IPO8: variants seen among roughly 807,000 people sequenced by gnomAD.
The protein encoded by IPO8 is importin 8.
In IPO8, 65 loss-of-function variants were observed where a neutral mutation model predicts 141.2. The ratio of observed to expected loss-of-function variants is 0.46; its 90% CI spans 0.38 to 0.57. IPO8 has a LOEUF of 0.57. Ranked by LOEUF, IPO8 falls within the 20% of genes least tolerant of loss-of-function variation. The pLI is 0.00. For synonymous variants in IPO8, 411 were observed against 420.3 expected (o/e 0.98, Z 0.27); for missense variants, 980 against 1,246.8 (o/e 0.79, Z 3.22).
rs143970022 is a variant in IPO8, at chr12:30,642,190, G to A, written c.2269-2455C>T. Reference sequence around the variant, plus strand: ...CCACTCCAGCCTGGGGTACAAGAGCGAGACTTCATCTCAAAAAAACAGAAA... The same window carrying A: ...CCACTCCAGCCTGGGGTACAAGAGCAAGACTTCATCTCAAAAAAACAGAAA... On this transcript the variant is annotated intron_variant, in intron 20 of 24. Coordinates refer to ENST00000256079, the MANE Select transcript of IPO8 (RefSeq NM_006390.4). 9.5e-3 allele frequency among the ~76,000 whole-genome samples: 1,448 copies of A among 152,050 alleles called. 17 individuals are homozygous for A. Among genetic ancestry groups the A allele is most frequent in the African/African-American group, 0.033 (1,376 of 41,438 alleles).
At chr12:30,663,390 T>G in intron 14 of IPO8, 99 bp downstream of exon 14, 1 of 1,043,738 alleles carries the variant, frequency 9.6e-7, no homozygotes, top group Non-Finnish European at 1.4e-6. Context: ...ACCTCAGAAT[T>G]CCAAACCCTG....
intron 15 of IPO8, 135 bp from the exon 16 acceptor site, chr12:30,661,401 T>TTC: frequency 1.7e-6 from 1 of 605,146 alleles, no homozygotes; most frequent in Non-Finnish European, 2.6e-6. Context: ...CTTTGCTGAC[T>TTC]GAATCATCTC....
At chr12:30,677,714 GA>G (rs1219105670) in intron 5 of IPO8, among the ~76,000 whole-genome samples, 2 of 150,542 alleles carry the variant, frequency 1.3e-5, no homozygotes, top group African/African-American at 2.4e-5. Flanking sequence ...GAAAAAGTTT[GA>G]AAAAAAATAA....
chr12:30,665,699 T>C, intron 12 of IPO8, 30 bp downstream of exon 12: 3 of 1,346,888 alleles, frequency 2.2e-6, no homozygotes, highest in African/African-American at 1.4e-5. Context: ...TACAATGTTA[T>C]TAAGTAAATT....
intron 20 of IPO8, among the ~76,000 whole-genome samples, chr12:30,646,469 A>G (rs919117366): frequency 6.6e-6 from 1 of 152,232 alleles, no homozygotes; most frequent in Non-Finnish European, 1.5e-5. Flanking sequence ...CATCATAGCT[A>G]TTCAACATTG....
intron 23 of IPO8, 63 bp from the exon 24 acceptor site, chr12:30,632,074 G>T: frequency 9.5e-7 from 1 of 1,057,516 alleles, no homozygotes; most frequent in Non-Finnish European, 1.4e-6. Context: ...AGAACAAGTA[G>T]TAACATGATC....
At chr12:30,672,148 T>C (rs3782685) in intron 8 of IPO8, among the ~76,000 whole-genome samples, 98,550 of 152,040 alleles carry the variant, frequency 0.65, 33,339 homozygotes, top group African/African-American at 0.84. Flanking sequence ...TTCACTACAG[T>C]AAGTTGCCTT....
chr12:30,679,733 A>G (rs2053165000), intron 5 of IPO8, among the ~76,000 whole-genome samples: 1 of 152,208 alleles, frequency 6.6e-6, no homozygotes, highest in South Asian at 2.1e-4. Context: ...GATCCAAACT[A>G]TCATGGTTTT....
chr12:30,673,876 A>G (rs1216656263), intron 8 of IPO8, 114 bp downstream of exon 8: 10 of 585,310 alleles, frequency 1.7e-5, no homozygotes, highest in Non-Finnish European at 2.7e-5. Context: ...CTGTCCTTCC[A>G]TCCTCTATAA....
At position 30,665,464 on chromosome 12, in the gene IPO8, T is replaced by G. The variant is rs539181144; in HGVS notation, c.1339-155A>C. ...TGCATGTTTTAAAACAAGACAAATA[T>G]TACCTTATATCAGTTTGATATTGAT... On this transcript the variant is annotated intron_variant, in intron 12 of 24. Coordinates refer to ENST00000256079, the MANE Select transcript of IPO8 (RefSeq NM_006390.4). Among the ~76,000 whole-genome samples the G allele has an allele frequency of 1.4e-4, 21 of 152,344 alleles. 2 individuals are homozygous for G. In the South Asian group the frequency reaches 4.3e-3, roughly 32 times the overall value.
At chr12:30,678,983 G>A (rs944690625) in intron 5 of IPO8, among the ~76,000 whole-genome samples, 1 of 152,060 alleles carries the variant, frequency 6.6e-6, no homozygotes, top group Admixed American at 6.5e-5. Context: ...GGAATTAGAG[G>A]CACCCGCCAT....
intron 17 of IPO8, among the ~76,000 whole-genome samples, chr12:30,656,432 G>A (rs1007472226): frequency 6.6e-6 from 1 of 152,052 alleles, no homozygotes; most frequent in African/African-American, 2.4e-5. Context: ...TTCATTTCTA[G>A]CAATGTACAA....
intron 7 of IPO8, 110 bp from the exon 8 acceptor site, chr12:30,674,184 AAACT>A: frequency 1.6e-6 from 1 of 642,868 alleles, no homozygotes; most frequent in Non-Finnish European, 2.7e-6. Context: ...CTGGGACAGA[AAACT>A]AACACTGCCT....
At chr12:30,656,416 T>C (rs1748620309) in intron 17 of IPO8, among the ~76,000 whole-genome samples, 1 of 152,196 alleles carries the variant, frequency 6.6e-6, no homozygotes, top group African/African-American at 2.4e-5. Context: ...CTAAACCTCA[T>C]CCCAGTTCAT....
At chr12:30,688,508 A>C (rs1371858371) in intron 2 of IPO8, 4 of 357,670 alleles carry the variant, frequency 1.1e-5, no homozygotes, top group Non-Finnish European at 2.2e-5. Flanking sequence ...AAAAATCACA[A>C]CATTCTTTTT....
intron 23 of IPO8, 38 bp from the exon 24 acceptor site, chr12:30,632,049 C>A: frequency 7.4e-7 from 1 of 1,356,354 alleles, no homozygotes; most frequent in Non-Finnish European, 1.0e-6. Flanking sequence ...GAGGGTACAG[C>A]GACTATTAAT....
intron 4 of IPO8, among the ~76,000 whole-genome samples, chr12:30,680,984 G>A (rs2053183441): frequency 6.6e-6 from 1 of 152,058 alleles, no homozygotes. Context: ...ATTTTAAATA[G>A]ACTATATAAC....
At chr12:30,663,396 C>T (rs565504783) in intron 14 of IPO8, 93 bp downstream of exon 14, 2 of 1,120,300 alleles carry the variant, frequency 1.8e-6, no homozygotes, top group African/African-American at 3.1e-5. Context: ...GAATTCCAAA[C>T]CCTGAACCCT....
At chr12:30,674,249 A>G (rs1397943706) in intron 7 of IPO8, among the ~76,000 whole-genome samples, 175 bp from the exon 8 acceptor site, 7 of 152,204 alleles carry the variant, frequency 4.6e-5, no homozygotes, top group Non-Finnish European at 1.0e-4. Flanking sequence ...TACTTAGACT[A>G]TGGGCCATAC....
Sources: gnomAD v4.1 joint callset for allele counts (sites outside exome capture counted in the v4.1 genomes callset) on GRCh38, gnomAD v4.1.1 for gene constraint, MANE v1.5 for transcripts, NCBI Gene and HGNC (gene_info 2026-07-23, HGNC 2026-07-21) for gene names.